Variants in CHAT observed in about 807,000 individuals in gnomAD.
The protein encoded by CHAT is choline O-acetyltransferase.
In CHAT, 61 loss-of-function variants were observed where a neutral mutation model predicts 76.9. The ratio of observed to expected loss-of-function variants is 0.79; its 90% CI spans 0.65 to 0.98. CHAT has a LOEUF of 0.98. Among genes scored for constraint, CHAT ranks in the 50% least tolerant of loss-of-function variants. The pLI is 0.00. For missense variants in CHAT, 946 were observed against 986.9 expected, an observed-to-expected ratio of 0.96 and a Z score of 0.56; for synonymous variants, 407 against 397.4, an observed-to-expected ratio of 1.02 and a Z score of -0.29.
intron 7 of CHAT, among the ~76,000 whole-genome samples, chr10:49,630,520 G>A (rs1344872955): frequency 6.6e-6 from 1 of 152,184 alleles, no homozygotes; most frequent in Non-Finnish European, 1.5e-5. Context: ...GAAAGAAATT[G>A]TCGATGAGGC....
At chr10:49,610,636 G>A (rs1023589189), upstream of CHAT, 33 of 1,205,478 alleles carry the variant, frequency 2.7e-5, no homozygotes, top group African/African-American at 4.1e-4. Flanking sequence ...GAGTCTGCTC[G>A]GCCAGGACAG....
intron 5 of CHAT, among the ~76,000 whole-genome samples, chr10:49,624,277 A>G (rs1246854997): frequency 6.6e-5 from 10 of 152,240 alleles, no homozygotes; most frequent in Admixed American, 1.3e-4. Flanking sequence ...ACGGTATGAA[A>G]TATGAGACCA....
intron 5 of CHAT, among the ~76,000 whole-genome samples, chr10:49,624,718 AGGATGGATGGACGGAT>A (rs1227793533): frequency 9.4e-5 from 14 of 148,326 alleles, no homozygotes; most frequent in Non-Finnish European, 1.5e-4. Flanking sequence ...GAAGGAAGGA[AGGATGGATGGACGGAT>A]GGATGGATGG....
chr10:49,643,060 A>G (rs1839539214), intron 7 of CHAT, among the ~76,000 whole-genome samples: 1 of 152,222 alleles, frequency 6.6e-6, no homozygotes, highest in Non-Finnish European at 1.5e-5. Context: ...GATTATTATC[A>G]TCCGTGTTTA....
chr10:49,649,256 C>G lies in CHAT; in HGVS notation c.1383-252C>G, dbSNP rs116560674. On this transcript the variant is annotated intron_variant, in intron 9 of 14. Transcript: ENST00000337653. Reference sequence around the variant, plus strand: ...GGTGTAACATGGTCTAATAGGAAAACAATGAAAAGAAATAATGGGTTTTGG... The same window carrying G: ...GGTGTAACATGGTCTAATAGGAAAAGAATGAAAAGAAATAATGGGTTTTGG... Among the ~76,000 whole-genome samples, 999 of 152,278 alleles carry G rather than the reference C, an allele frequency of 6.6e-3. 11 individuals are homozygous for G. Among genetic ancestry groups the G allele is most frequent in the African/African-American group, 0.023 (953 of 41,558 alleles).
chr10:49,652,232 G>A (rs1839903621), intron 11 of CHAT, among the ~76,000 whole-genome samples: 2 of 152,178 alleles, frequency 1.3e-5, no homozygotes, highest in South Asian at 2.1e-4. Context: ...GATGGCACAG[G>A]GGCACGGAGC....
At chr10:49,648,306 G>A (rs1839747264) in intron 8 of CHAT, among the ~76,000 whole-genome samples, 1 of 152,214 alleles carries the variant, frequency 6.6e-6, no homozygotes, top group Admixed American at 6.5e-5. Context: ...ACGGGAAAGA[G>A]GTCGTGAGTG....
chr10:49,611,039 C>A (rs375693441), upstream of CHAT: 1 of 1,613,886 alleles, frequency 6.2e-7, no homozygotes, highest in Non-Finnish European at 8.5e-7. Flanking sequence ...ACCTCGGCGT[C>A]CCCGACAGCT....
chr10:49,659,218 C>T (rs769295191), intron 13 of CHAT, among the ~76,000 whole-genome samples: 5 of 152,160 alleles, frequency 3.3e-5, no homozygotes, highest in Admixed American at 1.3e-4. Context: ...ACCTTCAACA[C>T]ACATTTCATA....
intron 7 of CHAT, among the ~76,000 whole-genome samples, chr10:49,640,130 GC>G (rs1839431016): frequency 6.6e-6 from 1 of 151,252 alleles, no homozygotes; most frequent in African/African-American, 2.4e-5. Flanking sequence ...GCTTGTTGAG[GC>G]TTTTTTATGA....
chr10:49,611,512 T>C (rs147777755), upstream of CHAT: 1 of 1,601,378 alleles, frequency 6.2e-7, no homozygotes, highest in African/African-American at 1.3e-5. Context: ...TGACGCGCTG[T>C]TGCTGCTGGC....
rs1198717023 is a variant in CHAT, at chr10:49,616,559, TC to T, written c.349del (p.Arg117ValfsTer83). 6.2e-7 allele frequency: 1 copy of T among 1,612,804 alleles called. No homozygotes were observed. Among genetic ancestry groups the T allele is most frequent in the Non-Finnish European group, 8.5e-7 (1 of 1,179,424 alleles). On this transcript the variant is annotated frameshift_variant, in exon 2 of 15. Transcript: ENST00000337653. LOFTEE classifies it high-confidence loss of function. ...ACCAAGACGCCCATCCTGGAAAAGG[TC>T]CCCCGTAAGATGGCAGCAAAAACTC... is the stretch of plus-strand genomic sequence containing the variant. ...GLTKTPILEKVPRKMAAKTPS... is the reference protein window; with the variant it reads ...GLTKTPILEKXPRKMAAKTPS...
At chr10:49,615,579 A>T (rs1838460733) in intron 1 of CHAT, among the ~76,000 whole-genome samples, 1 of 152,206 alleles carries the variant, frequency 6.6e-6, no homozygotes, top group Non-Finnish European at 1.5e-5. Context: ...GAAATTAGCT[A>T]AACCTCAGCT....
chr10:49,660,179 G>A (rs530214883), intron 13 of CHAT, among the ~76,000 whole-genome samples: 208 of 152,158 alleles, frequency 1.4e-3, no homozygotes, highest in Non-Finnish European at 1.9e-3. Flanking sequence ...AGTGGCTCAC[G>A]CCTGTAATCC....
At chr10:49,633,158 T>C (rs1212537475) in intron 7 of CHAT, among the ~76,000 whole-genome samples, 2 of 152,190 alleles carry the variant, frequency 1.3e-5, no homozygotes, top group Non-Finnish European at 2.9e-5. Context: ...TGGGGTTGGA[T>C]GATGACATCA....
At chr10:49,644,965 T>C (rs1054687541) in intron 7 of CHAT, among the ~76,000 whole-genome samples, 1 of 152,164 alleles carries the variant, frequency 6.6e-6, no homozygotes. Flanking sequence ...ATATCTGTGA[T>C]CCAGGCAGCA....
chr10:49,633,064 G>A (rs1839178950), intron 7 of CHAT, among the ~76,000 whole-genome samples: 1 of 152,240 alleles, frequency 6.6e-6, no homozygotes. Flanking sequence ...GATTCCTGAG[G>A]GGCTGGGAGG....
intron 11 of CHAT, among the ~76,000 whole-genome samples, chr10:49,653,070 C>T (rs1188862334): frequency 6.6e-6 from 1 of 151,778 alleles, no homozygotes; most frequent in Non-Finnish European, 1.5e-5. Flanking sequence ...AGACTATCCC[C>T]GCGACCCTGA....
rs2132736183 is a variant in CHAT, at chr10:49,627,798, G to A, written c.1111+13G>A. ...GTCCTCGTGAAAGGTCAGCCGCAGT[G>A]CCCAGCACATCTCCATGCCCATCTC... On this transcript the variant is annotated intron_variant, in intron 7 of 14. Transcript: ENST00000337653. 6.2e-7 allele frequency: 1 copy of A among 1,611,902 alleles called. No individual in the cohort carries two copies. The highest frequency in any genetic ancestry group is 1.3e-5 in the African/African-American group (1 of 75,018).
Sources: allele counts gnomAD v4.1 joint callset (sites outside exome capture counted in the v4.1 genomes callset), GRCh38; gene constraint gnomAD v4.1.1; transcripts MANE v1.5; gene names NCBI Gene and HGNC (gene_info 2026-07-23, HGNC 2026-07-21).